CFAP54: variants seen among roughly 807,000 people sequenced by gnomAD.
CFAP54 encodes the protein cilia and flagella associated protein 54.
In CFAP54, 290 loss-of-function variants were observed where a neutral mutation model predicts 370.4. The ratio of observed to expected loss-of-function variants is 0.78; its 90% CI spans 0.71 to 0.86. The LOEUF is 0.86. CFAP54 is among the 40% of genes least tolerant of loss of function. The probability of loss-of-function intolerance (pLI) is 0.00; values close to 1 mark genes in which losing one functional copy is unlikely to be tolerated. For synonymous variants in CFAP54, 1,206 were observed against 1,236.5 expected, an observed-to-expected ratio of 0.98 and a Z score of 0.52; for missense variants, 3,399 against 3,528.7, an observed-to-expected ratio of 0.96 and a Z score of 0.93.
intron 39 of CFAP54, among the ~76,000 whole-genome samples, chr12:96,664,713 A>C (rs376875904): frequency 3.7e-5 from 1 of 26,974 alleles, no homozygotes; most frequent in Admixed American, 4.0e-4. Flanking sequence ...ATATATATAT[A>C]TCTATATATA....
intron 60 of CFAP54, among the ~76,000 whole-genome samples, chr12:96,776,113 G>A (rs1043627849): frequency 1.3e-5 from 2 of 151,960 alleles, no homozygotes; most frequent in Non-Finnish European, 2.9e-5. Context: ...AATTTTAGGG[G>A]AAAAACTATT....
chr12:96,594,378 G>A lies in CFAP54; in HGVS notation c.3448G>A (p.Val1150Met). The A allele has an allele frequency of 1.3e-6, 2 of 1,534,534 alleles. No individual in the cohort carries two copies. The highest frequency in any genetic ancestry group is 1.7e-6 in the Non-Finnish European group (2 of 1,145,706). The stretch of plus-strand genomic sequence containing the variant: ...TGATTCCAGCTATGCCCTTCAAGCT[G>A]TGACTCAATGTTATGGACTTCTTGC... ...LNDSSYALQA[V>M]TQCYGLLAPI... The change falls in exon 25 of 68, where the codon GTG (valine) becomes ATG (methionine). Residue 1150 changes from valine to methionine, a missense_variant. By Grantham distance (21) the Val-to-Met change is conservative (BLOSUM62 1). Around this residue, in one of 3 missense-constraint regions of CFAP54, gnomAD observed 2,796 missense variants for 2,869.7 expected, o/e 0.97. Coordinates refer to ENST00000524981, the MANE Select transcript of CFAP54 (RefSeq NM_001306084.2).
intron 44 of CFAP54, 141 bp downstream of exon 44, chr12:96,691,451 C>T (rs1957386993): frequency 1.9e-6 from 1 of 527,404 alleles, no homozygotes; most frequent in Non-Finnish European, 3.2e-6. Context: ...TTCTTACTTA[C>T]ACTTCAAACT....
chr12:96,613,946 G>T (rs1002395966), intron 26 of CFAP54, among the ~76,000 whole-genome samples: 18 of 151,650 alleles, frequency 1.2e-4, no homozygotes, highest in African/African-American at 2.9e-4. Flanking sequence ...AAGGAGGAGC[G>T]GGTACCATTC....
intron 17 of CFAP54, 108 bp from the exon 18 acceptor site, chr12:96,564,360 A>G (rs1955843951): frequency 2.0e-6 from 1 of 505,914 alleles, no homozygotes. Flanking sequence ...AAAAAATGAC[A>G]TGACAGAGGA....
chr12:96,535,654 C>G (rs1955494436), intron 12 of CFAP54, 54 bp downstream of exon 12: 6 of 1,208,164 alleles, frequency 5.0e-6, no homozygotes, highest in Non-Finnish European at 6.9e-6. Context: ...GTTTTTGTGC[C>G]TAACTTAAGG....
At chr12:96,536,846 G>A (rs1164267087) in intron 12 of CFAP54, among the ~76,000 whole-genome samples, 3 of 151,854 alleles carry the variant, frequency 2.0e-5, no homozygotes, top group Admixed American at 6.6e-5. Flanking sequence ...GGCTGGTCTC[G>A]AAATCCTGAC....
At chr12:96,568,128 C>T (rs1955880105) in intron 19 of CFAP54, among the ~76,000 whole-genome samples, 1 of 148,752 alleles carries the variant, frequency 6.7e-6, no homozygotes, top group Non-Finnish European at 1.5e-5. Context: ...CATTTCAAGT[C>T]AAATCAGTTC....
chr12:96,718,589 G>A lies in CFAP54; in HGVS notation c.6804+67G>A, dbSNP rs139974260. On this transcript the variant is annotated intron_variant, in intron 49 of 67. Coordinates refer to ENST00000524981, the MANE Select transcript of CFAP54 (RefSeq NM_001306084.2). ...AAAATCCACTATTAGGCCCTGGATGGGCCTGCTTTCAGAGTTATGCTTGCT... is the reference window on the plus strand; with the variant it reads ...AAAATCCACTATTAGGCCCTGGATGAGCCTGCTTTCAGAGTTATGCTTGCT... The A allele has an allele frequency of 9.1e-5, 84 of 927,988 alleles. No homozygotes were observed. The African/African-American group carries it at 1.2e-3, about 13-fold the overall frequency. 57.5% of individuals were successfully genotyped at this position (927,988 alleles called of 1,614,324 possible).
intron 66 of CFAP54, among the ~76,000 whole-genome samples, chr12:96,852,751 G>T (rs1471553533): frequency 6.6e-6 from 1 of 151,960 alleles, no homozygotes; most frequent in Non-Finnish European, 1.5e-5. Flanking sequence ...CCCCAACAAA[G>T]GACCTGTTTC....
intron 3 of CFAP54, among the ~76,000 whole-genome samples, chr12:96,506,398 T>G (rs896886702): frequency 5.3e-5 from 8 of 151,772 alleles, no homozygotes; most frequent in Non-Finnish European, 8.8e-5. Flanking sequence ...TTGTTTTTCT[T>G]TCTGAATTTC....
chr12:96,515,311 A>C (rs987388957), intron 5 of CFAP54, among the ~76,000 whole-genome samples: 3 of 152,068 alleles, frequency 2.0e-5, no homozygotes, highest in African/African-American at 7.2e-5. Context: ...TGCCTGGCCC[A>C]AAATGAGTAT....
At chr12:96,775,404 A>G (rs7133360) in intron 60 of CFAP54, among the ~76,000 whole-genome samples, 62,157 of 152,008 alleles carry the variant, frequency 0.41, 13,696 homozygotes, top group African/African-American at 0.56. Context: ...ACTCCAGCCC[A>G]AGCAACAGAG....
At chr12:96,611,722 G>A (rs1359607168) in intron 26 of CFAP54, among the ~76,000 whole-genome samples, 1 of 152,148 alleles carries the variant, frequency 6.6e-6, no homozygotes, top group Non-Finnish European at 1.5e-5. Flanking sequence ...ACCATGACAC[G>A]AGAACTACTG....
In CFAP54 at chr12:96,489,755, G is replaced by A; in HGVS notation, c.146G>A (p.Trp49Ter). The change falls in exon 1 of 68, where the codon TGG becomes TAG. Residue 49 changes from tryptophan to a stop codon, truncating the protein, a stop_gained. Transcript: ENST00000524981. LOFTEE classifies it high-confidence loss of function. The part of the protein sequence containing the change: ...KGSSRSSLLQ[W>*]TCPEDSLPLA... ...AGCTCCCGGAGCTCGCTGCTTCAGT[G>A]GACCTGCCCCGAGGACTCATTGCCC... 1 of 1,536,156 alleles carries A rather than the reference G, an allele frequency of 6.5e-7. No homozygotes were observed. The highest frequency in any genetic ancestry group is 8.7e-7 in the Non-Finnish European group (1 of 1,146,924).
In CFAP54 at chr12:96,502,705, G is replaced by C. The variant is rs79017877; in HGVS notation, c.424-1181G>C. 7.9e-3 allele frequency among the ~76,000 whole-genome samples: 1,199 copies of C among 152,216 alleles called. 25 individuals carry two copies. Among genetic ancestry groups the C allele is most frequent in the African/African-American group, 0.028 (1,155 of 41,520 alleles). ...TTGCTTTTCCTGGGGATGAAGTTGT[G>C]GGGGAGGGAGCTGAGGAAGGGTTGC... On this transcript the variant is annotated intron_variant, in intron 2 of 67. Coordinates refer to ENST00000524981, the MANE Select transcript of CFAP54 (RefSeq NM_001306084.2).
chr12:96,786,930 TA>T (rs1162309145), intron 62 of CFAP54, 32 bp downstream of exon 62: 1 of 1,398,940 alleles, frequency 7.1e-7, no homozygotes, highest in Non-Finnish European at 9.6e-7. Context: ...TATATTTACA[TA>T]AAACTTCTTG....
In CFAP54 at chr12:96,860,841, C is replaced by T; in HGVS notation, c.9194C>T (p.Pro3065Leu). The T allele has an allele frequency of 6.5e-7, 1 of 1,532,410 alleles. No individual in the cohort carries two copies. The highest frequency in any genetic ancestry group is 8.7e-7 in the Non-Finnish European group (1 of 1,145,092). 94.9% of individuals were successfully genotyped at this position (1,532,410 alleles called of 1,614,324 possible). A position where few individuals can be genotyped will look rare whatever the true frequency, so the allele number is the denominator to read the frequency against. The change falls in exon 67 of 68, where the codon CCG (proline) becomes CTG (leucine). Residue 3065 changes from proline to leucine, a missense_variant. Around this residue, in one of 3 missense-constraint regions of CFAP54, gnomAD observed 2,796 missense variants for 2,869.7 expected, o/e 0.97. Coordinates refer to ENST00000524981, the MANE Select transcript of CFAP54 (RefSeq NM_001306084.2). ...CAGGTCCCATTTGATATCTCACTGC[C>T]GTCTATATTCAATCTTGAGAGACTT... ...LSEVPFDISL[P>L]SIFNLERLFD...
Position 96,747,451 on chromosome 12 carries a change from G to T in CFAP54, c.7684+3305G>T, listed in dbSNP as rs545511246. 2.6e-5 allele frequency among the ~76,000 whole-genome samples: 4 copies of T among 152,274 alleles called. No homozygotes were observed. The South Asian group carries it at 8.3e-4, about 32-fold the overall frequency. On this transcript the variant is annotated intron_variant, in intron 55 of 67. Transcript: ENST00000524981. ...CTTTTGTAACAAAAAAATTGTTCAA[G>T]AAATATGTTTTGGTCAAGGTACAAA...
Sources: allele counts gnomAD v4.1 joint callset (sites outside exome capture counted in the v4.1 genomes callset), GRCh38; gene constraint gnomAD v4.1.1; regional missense constraint gnomAD v4.1.1; transcripts MANE v1.5; gene names NCBI Gene and HGNC (gene_info 2026-07-23, HGNC 2026-07-21).